Variants in HECTD3 observed in about 807,000 individuals in gnomAD.
HECTD3 encodes the protein E3 ubiquitin-protein ligase HECTD3.
HECTD3 carries 72 observed loss-of-function variants against 109.3 expected under a neutral mutation model. The ratio of observed to expected loss-of-function variants is 0.66; its 90% CI spans 0.54 to 0.80. HECTD3 has a LOEUF of 0.80. Among genes scored for constraint, HECTD3 ranks in the 30% least tolerant of loss-of-function variants. HECTD3 has a pLI of 0.00. For synonymous variants in HECTD3, 481 were observed against 471.8 expected, an observed-to-expected ratio of 1.02 and a Z score of -0.25; for missense variants, 1,041 against 1,165.2, an observed-to-expected ratio of 0.89 and a Z score of 1.55.
Position 45,008,694 on chromosome 1 carries a change from C to T in HECTD3, c.1080G>A (p.Gly360=). 6.2e-7 allele frequency: 1 copy of T among 1,613,150 alleles called. No homozygotes were observed. The highest frequency in any genetic ancestry group is 8.5e-7 in the Non-Finnish European group (1 of 1,179,716). Residue 360 remains glycine (G), a synonymous_variant, in exon 8 of 21, where the codon GGG becomes GGA. Coordinates refer to ENST00000372172, the MANE Select transcript of HECTD3 (RefSeq NM_024602.6). ...EIRIVECRDD[G]IDVRLRGVKI... Reference sequence around the variant, plus strand: ...TGACCCCTCGGAGACGAACATCAATCCCATCATCTGGGGGAAGGGGTCAGA... The same window carrying T: ...TGACCCCTCGGAGACGAACATCAATTCCATCATCTGGGGGAAGGGGTCAGA...
chr1:45,010,826 A>G, intron 1 of HECTD3, 63 bp downstream of exon 1: 1 of 1,505,048 alleles, frequency 6.6e-7, no homozygotes, highest in Non-Finnish European at 8.8e-7. Context: ...GAAAAGGCAA[A>G]CAGCCAGAGG....
At position 45,005,891 on chromosome 1, in the gene HECTD3, AC is replaced by A; in HGVS notation, c.1846-9del. 6.2e-7 allele frequency: 1 copy of A among 1,605,118 alleles called. No homozygotes were observed. The highest frequency in any genetic ancestry group is 8.5e-7 in the Non-Finnish European group (1 of 1,175,602). ...ACCAGGCAGGGCCAGGACCTGTGTG[AC>A]AAACACTCCCCACTGTCTTCTCACC... On this transcript the variant is annotated splice_polypyrimidine_tract_variant and intron_variant, in intron 14 of 20. Transcript: ENST00000372172.
chr1:45,006,559 C>T lies in HECTD3; in HGVS notation c.1725+133G>A. On this transcript the variant is annotated intron_variant, in intron 13 of 20. Coordinates refer to ENST00000372172, the MANE Select transcript of HECTD3 (RefSeq NM_024602.6). This position sits in a 1 kb window ranked among gnomAD's most constrained non-coding sequence, Gnocchi z 4.7. ...CCTCGTGATCTGCCCGCCTCGGCTT[C>T]CCAAAGTGCTGGGATTACAGGCGTG... is the stretch of plus-strand genomic sequence containing the variant. 1.4e-6 allele frequency: 1 copy of T among 718,006 alleles called. No homozygotes were observed. Among genetic ancestry groups the T allele is most frequent in the South Asian group, 1.9e-5 (1 of 52,130 alleles). The allele number at this position is 718,006 out of a possible 1,614,324, so 44.5% of individuals were successfully genotyped here.
At chr1:45,005,941 C>A in intron 14 of HECTD3, 56 bp downstream of exon 14, 1 of 1,606,730 alleles carries the variant, frequency 6.2e-7, no homozygotes, top group Non-Finnish European at 8.5e-7. Context: ...GTTTGGCTGG[C>A]CTTTCCTTCC....
rs2148978260 is a variant in HECTD3 at position 45,008,572 on chromosome 1, G to A, written c.1202C>T (p.Pro401Leu). The change falls in exon 8 of 21, where the codon CCT (proline) becomes CTT (leucine). Residue 401 changes from proline (P) to leucine (L), a missense_variant. Pro to Leu is a moderately conservative substitution (Grantham distance 98, BLOSUM62 -3). Coordinates refer to ENST00000372172, the MANE Select transcript of HECTD3 (RefSeq NM_024602.6). ...VRYPRLEGTD[P>L]EVLYRRAVLL... is the part of the protein sequence containing the mutation. ...GACAGCTCTGCGGTACAGTACTTCAGGGTCGGTGCCTTCTAGGCGTGGATA... is the reference window on the plus strand; with the variant it reads ...GACAGCTCTGCGGTACAGTACTTCAAGGTCGGTGCCTTCTAGGCGTGGATA... The A allele has an allele frequency of 6.2e-7, 1 of 1,614,022 alleles. No homozygotes were observed. Among genetic ancestry groups the A allele is most frequent in the South Asian group, 1.1e-5 (1 of 91,078 alleles).
chr1:45,004,524 G>A, intron 16 of HECTD3, 76 bp downstream of exon 16: 1 of 1,596,112 alleles, frequency 6.3e-7, no homozygotes, highest in Non-Finnish European at 8.6e-7. Flanking sequence ...GTGGCTTACA[G>A]GCTGTGTTCT....
chr1:45,010,260 ATG>A lies in HECTD3; in HGVS notation c.562_563del (p.His188SerfsTer40), dbSNP rs778602943. ...CCGGCTGAGGTCTCGATCCCAGGCGATGTGAGTATGTCAGGTCCACCACCTGT... is the reference window on the plus strand; with the variant it reads ...CCGGCTGAGGTCTCGATCCCAGGCGATGAGTATGTCAGGTCCACCACCTGT... ...WEQVVDLTYS[H>X]RLGSRPQPAE... On this transcript the variant is annotated frameshift_variant, in exon 3 of 21. Coordinates refer to ENST00000372172, the MANE Select transcript of HECTD3 (RefSeq NM_024602.6). LOFTEE classifies it high-confidence loss of function. The A allele has an allele frequency of 6.2e-7, 1 of 1,613,844 alleles. No homozygotes were observed. The highest frequency in any genetic ancestry group is 1.1e-5 in the South Asian group (1 of 91,066).
In HECTD3 at chr1:45,007,498, C is replaced by A; in HGVS notation, c.1418G>T (p.Arg473Leu). The change falls in exon 10 of 21, where the codon CGC (arginine) becomes CTC (leucine). Residue 473 changes from arginine (R) to leucine (L), a missense_variant. Physicochemically the swap from Arg to Leu is moderately radical, Grantham distance 102 (BLOSUM62 -2). Coordinates refer to ENST00000372172, the MANE Select transcript of HECTD3 (RefSeq NM_024602.6). ...SESSKPSFMP[R>L]LYINRRLAME... ...GGCAAGACGGCGGTTGATGTATAGG[C>A]GTGGCATGAAGCTGGGCTTGCTGCT... 1 of 1,614,092 alleles carries A rather than the reference C, an allele frequency of 6.2e-7. No homozygotes were observed. The highest frequency in any genetic ancestry group is 8.5e-7 in the Non-Finnish European group (1 of 1,180,028).
chr1:45,006,027 C>A lies in HECTD3; in HGVS notation c.1815G>T (p.Met605Ile). ...ACTCCTTACCCCGAAGGGCAGCCCC[C>A]ATCAGCTGTCCGATCCATTCATACT... ...FAKYEWIGQL[M>I]GAALRGKEFL... Residue 605 changes from methionine to isoleucine, a missense_variant, in exon 14 of 21, where the codon ATG becomes ATT. Met to Ile is a conservative substitution (Grantham distance 10, BLOSUM62 1). This residue lies in a region of HECTD3 where 569 missense variants were observed against 715.3 expected (regional missense o/e 0.80). Coordinates refer to ENST00000372172, the MANE Select transcript of HECTD3 (RefSeq NM_024602.6). The surrounding 1 kb of genome is among the most constrained non-coding windows in gnomAD (Gnocchi z 4.7). The A allele has an allele frequency of 6.2e-7, 1 of 1,614,180 alleles. No individual in the cohort carries two copies. The highest frequency in any genetic ancestry group is 1.1e-5 in the South Asian group (1 of 91,086).
intron 7 of HECTD3, 127 bp downstream of exon 7, chr1:45,009,017 C>A: frequency 1.2e-6 from 1 of 808,690 alleles, no homozygotes. Flanking sequence ...AGCTCCAAAT[C>A]CTGGAGTTAG....
Position 45,009,418 on chromosome 1 carries a change from C to G in HECTD3, c.940G>C (p.Gly314Arg). The G allele has an allele frequency of 6.2e-7, 1 of 1,614,188 alleles. No individual in the cohort carries two copies. ...NFMPKRVVVYGGEGDNLKKLS... is the reference protein window; with the variant it reads ...NFMPKRVVVYRGEGDNLKKLS... Reference sequence around the variant, plus strand: ...TTCTTCAGGTTGTCCCCTTCACCCCCATAGACCACCACCCGCTTTGGCATA... The same window carrying G: ...TTCTTCAGGTTGTCCCCTTCACCCCGATAGACCACCACCCGCTTTGGCATA... The change falls in exon 6 of 21, where the codon GGG (glycine) becomes CGG (arginine). Residue 314 changes from glycine to arginine, a missense_variant. Physicochemically the swap from Gly to Arg is moderately radical, Grantham distance 125. Coordinates refer to ENST00000372172, the MANE Select transcript of HECTD3 (RefSeq NM_024602.6).
At chr1:45,010,515 A>C in intron 2 of HECTD3, 31 bp downstream of exon 2, 1 of 1,612,270 alleles carries the variant, frequency 6.2e-7, no homozygotes, top group Non-Finnish European at 8.5e-7. Context: ...CGGCCTTCTG[A>C]CAGCCAGCCC....
At chr1:45,009,280 G>A in intron 6 of HECTD3, 54 bp from the exon 7 acceptor site, 1 of 1,545,816 alleles carries the variant, frequency 6.5e-7, no homozygotes, top group Non-Finnish European at 8.9e-7. Flanking sequence ...GGCCTTCAGA[G>A]ACTGCTGGAG....
At chr1:45,010,419 G>C (rs1644778066) in intron 2 of HECTD3, 126 bp from the exon 3 acceptor site, 3 of 1,456,458 alleles carry the variant, frequency 2.1e-6, no homozygotes, top group African/African-American at 1.4e-5. Context: ...TTCACGTCCC[G>C]CCCCTTTCTG....
At position 45,010,287 on chromosome 1, in the gene HECTD3, T is replaced by C; in HGVS notation, c.537A>G (p.Glu179=). 6.2e-7 allele frequency: 1 copy of C among 1,613,884 alleles called. No homozygotes were observed. The highest frequency in any genetic ancestry group is 8.5e-7 in the Non-Finnish European group (1 of 1,179,924). The change falls in exon 3 of 21, where the codon GAA becomes GAG. Residue 179 remains glutamate (E), a synonymous_variant. Transcript: ENST00000372172. Reference sequence around the variant, plus strand: ...GTGAGTATGTCAGGTCCACCACCTGTTCCCACCTGTGGGCACAGAGTAGGG... The same window carrying C: ...GTGAGTATGTCAGGTCCACCACCTGCTCCCACCTGTGGGCACAGAGTAGGG... ...GVDYRPVLRW[E]QVVDLTYSHR... is the part of the protein sequence containing the mutation.
chr1:45,009,761 C>A, intron 4 of HECTD3, 78 bp from the exon 5 acceptor site: 1 of 1,244,436 alleles, frequency 8.0e-7, no homozygotes, highest in Non-Finnish European at 1.2e-6. Context: ...CCAGGAGCAC[C>A]AGAGAGAAAG....
At chr1:45,004,012 C>T (rs377353286) in intron 18 of HECTD3, 48 bp downstream of exon 18, 94 of 1,610,780 alleles carry the variant, frequency 5.8e-5, no homozygotes, top group Non-Finnish European at 7.5e-5. Context: ...CTCTGCAACT[C>T]AGCAGCAGAG....
chr1:45,003,845 C>T lies in HECTD3; in HGVS notation c.2429+10G>A, dbSNP rs1274788272. The T allele has an allele frequency of 6.2e-7, 1 of 1,612,676 alleles. No individual in the cohort carries two copies. The highest frequency in any genetic ancestry group is 8.5e-7 in the Non-Finnish European group (1 of 1,179,176). On this transcript the variant is annotated intron_variant, in intron 19 of 20. Transcript: ENST00000372172. This position sits in a 1 kb window ranked among gnomAD's most constrained non-coding sequence, Gnocchi z 4.7. ...GCCATGGCACCTTCAGGCCTCCCTC[C>T]AGCACTCACCCCAGCTTGTCTGGGT...
rs747421500 is a variant in HECTD3 at position 45,010,303 on chromosome 1, C to G, written c.531-10G>C. The G allele has an allele frequency of 6.2e-7, 1 of 1,613,306 alleles. No individual in the cohort carries two copies. The highest frequency in any genetic ancestry group is 8.5e-7 in the Non-Finnish European group (1 of 1,179,420). On this transcript the variant is annotated splice_polypyrimidine_tract_variant and intron_variant, in intron 2 of 20. Coordinates refer to ENST00000372172, the MANE Select transcript of HECTD3 (RefSeq NM_024602.6). ...CACCACCTGTTCCCACCTGTGGGCA[C>G]AGAGTAGGGAGTGGGATGGGGAGAC...
Sources: allele counts gnomAD v4.1 joint callset, GRCh38; gene constraint gnomAD v4.1.1; regional missense constraint gnomAD v4.1.1; non-coding constraint Gnocchi (gnomAD v3.1); transcripts MANE v1.5; gene names NCBI Gene and HGNC (gene_info 2026-07-23, HGNC 2026-07-21).